SEMA5A: variants seen among roughly 807,000 people sequenced by gnomAD.
SEMA5A encodes the protein semaphorin 5A.
SEMA5A carries 55 observed loss-of-function variants against 135.5 expected under a neutral mutation model. That is an observed-to-expected ratio of 0.41 (90% CI 0.33 to 0.51). The LOEUF is 0.51. SEMA5A is among the 20% of genes least tolerant of loss of function. SEMA5A has a pLI of 0.37. For synonymous variants in SEMA5A, 580 were observed against 546.5 expected (o/e 1.06, Z -0.85); for missense variants, 1,290 against 1,419.9 (o/e 0.91, Z 1.47).
chr5:9,216,059 T>C (rs1415512556), intron 8 of SEMA5A, among the ~76,000 whole-genome samples: 2 of 152,220 alleles, frequency 1.3e-5, no homozygotes, highest in Non-Finnish European at 2.9e-5. Flanking sequence ...CCTGTTTCTC[T>C]AATTCTTTCC....
rs191079380 is a variant in SEMA5A, at chr5:9,495,176, T to C, written c.-175+50408A>G. Among the ~76,000 whole-genome samples, 29 of 152,344 alleles carry C rather than the reference T, an allele frequency of 1.9e-4. No homozygotes were observed. The East Asian group carries it at 4.6e-3, about 24-fold the overall frequency. On this transcript the variant is annotated intron_variant, in intron 1 of 22. Coordinates refer to ENST00000382496, the MANE Select transcript of SEMA5A (RefSeq NM_003966.3). ...CTGTGTTCCTTCTAAGCCATAGGACTTCGATATCTTCAGGGATACCTGGCG... is the reference window on the plus strand; with the variant it reads ...CTGTGTTCCTTCTAAGCCATAGGACCTCGATATCTTCAGGGATACCTGGCG...
intron 8 of SEMA5A, among the ~76,000 whole-genome samples, chr5:9,219,520 TG>T (rs1245178023): frequency 6.6e-6 from 1 of 152,090 alleles, no homozygotes; most frequent in East Asian, 1.9e-4. Flanking sequence ...ATGAGGTCAT[TG>T]GAGTGGGCTT....
intron 5 of SEMA5A, among the ~76,000 whole-genome samples, chr5:9,301,051 T>G (rs1751588293): frequency 6.6e-6 from 1 of 152,220 alleles, no homozygotes; most frequent in South Asian, 2.1e-4. Context: ...AGATAATATG[T>G]TCAGACAACT....
intron 11 of SEMA5A, among the ~76,000 whole-genome samples, chr5:9,182,189 G>A (rs572652380): frequency 1.4e-5 from 2 of 147,274 alleles, no homozygotes; most frequent in Admixed American, 1.4e-4. Context: ...TGAGGACAGG[G>A]TGTCTGTCTG....
In SEMA5A at chr5:9,036,120, A is replaced by G. The variant is rs760586241; in HGVS notation, c.*6777T>C. The stretch of plus-strand genomic sequence containing the variant: ...TTGCTATGCACTTTTGAAGAATCCA[A>G]CATTGGACCAAAAGTTTGTGCATTT... On this transcript the variant is annotated 3_prime_UTR_variant, in exon 23 of 23. Coordinates refer to ENST00000382496, the MANE Select transcript of SEMA5A (RefSeq NM_003966.3). The G allele has an allele frequency of 1.3e-5, 2 of 152,166 alleles. No homozygotes were observed. Among genetic ancestry groups the G allele is most frequent in the Non-Finnish European group, 2.9e-5 (2 of 68,036 alleles). 9.4% of individuals were successfully genotyped at this position (152,166 alleles called of 1,614,324 possible). A position where few individuals can be genotyped will look rare whatever the true frequency, so the allele number is the denominator to read the frequency against.
intron 5 of SEMA5A, among the ~76,000 whole-genome samples, chr5:9,278,471 G>A (rs1185198885): frequency 6.6e-6 from 1 of 152,178 alleles, no homozygotes; most frequent in East Asian, 1.9e-4. Flanking sequence ...CCCATTTTCT[G>A]GGGAGAAAAA....
At chr5:9,188,508 T>C (rs1282848684) in intron 11 of SEMA5A, among the ~76,000 whole-genome samples, 1 of 152,130 alleles carries the variant, frequency 6.6e-6, no homozygotes, top group African/African-American at 2.4e-5. Flanking sequence ...CAGGCTGCTC[T>C]TCACTGACCC....
At chr5:9,316,837 T>C (rs532709179) in intron 5 of SEMA5A, among the ~76,000 whole-genome samples, 1 of 152,314 alleles carries the variant, frequency 6.6e-6, no homozygotes, top group South Asian at 2.1e-4. Context: ...GTTAGCAATT[T>C]TCAAGCACAT....
At chr5:9,140,127 G>C (rs1184044026) in intron 12 of SEMA5A, among the ~76,000 whole-genome samples, 2 of 152,204 alleles carry the variant, frequency 1.3e-5, no homozygotes, top group Admixed American at 6.5e-5. Context: ...GTTTATAACA[G>C]AGAGTGTGAG....
At chr5:9,355,801 A>G (rs1754415857) in intron 3 of SEMA5A, among the ~76,000 whole-genome samples, 1 of 152,198 alleles carries the variant, frequency 6.6e-6, no homozygotes, top group Non-Finnish European at 1.5e-5. Context: ...GAGTTGGAAG[A>G]AAGATGTGTG....
intron 3 of SEMA5A, among the ~76,000 whole-genome samples, chr5:9,349,717 C>A (rs1235442801): frequency 6.6e-6 from 1 of 151,988 alleles, no homozygotes; most frequent in African/African-American, 2.4e-5. Flanking sequence ...CTGGCTAACA[C>A]AGTGAATCCC....
At chr5:9,393,850 T>G (rs1335919818) in intron 2 of SEMA5A, among the ~76,000 whole-genome samples, 1 of 152,182 alleles carries the variant, frequency 6.6e-6, no homozygotes, top group Admixed American at 6.5e-5. Context: ...ATAGCAGCAT[T>G]GTTCATAATA....
At position 9,122,714 on chromosome 5, in the gene SEMA5A, G is replaced by A; in HGVS notation, c.1723C>T (p.Pro575Ser). The change falls in exon 14 of 23, where the codon CCG (proline) becomes TCG (serine). Residue 575 changes from proline to serine, a missense_variant. By Grantham distance (74) the Pro-to-Ser change is moderately conservative. Coordinates refer to ENST00000382496, the MANE Select transcript of SEMA5A (RefSeq NM_003966.3). Reference protein sequence around the residue: ...CRTRSCDSPAPQCGGWQCEGP... With the variant: ...CRTRSCDSPASQCGGWQCEGP... ...TCGCACTGCCAGCCACCACACTGCG[G>A]GGCCGGGCTGTCGCAGGAGCGGGTT... is the stretch of plus-strand genomic sequence containing the variant. 1 of 1,613,514 alleles carries A rather than the reference G, an allele frequency of 6.2e-7. No individual in the cohort carries two copies. Among genetic ancestry groups the A allele is most frequent in the Non-Finnish European group, 8.5e-7 (1 of 1,179,828 alleles).
intron 12 of SEMA5A, among the ~76,000 whole-genome samples, chr5:9,137,908 G>A (rs1281455427): frequency 1.3e-5 from 2 of 152,104 alleles, no homozygotes; most frequent in Non-Finnish European, 2.9e-5. Flanking sequence ...TATTAATACA[G>A]TACCTCAATT....
At chr5:9,148,518 T>C (rs1742461486) in intron 12 of SEMA5A, among the ~76,000 whole-genome samples, 1 of 152,158 alleles carries the variant, frequency 6.6e-6, no homozygotes, top group Non-Finnish European at 1.5e-5. Context: ...CATTCCTCCC[T>C]CATCCCTATG....
chr5:9,483,444 A>G (rs1484482848), intron 1 of SEMA5A, among the ~76,000 whole-genome samples: 1 of 152,214 alleles, frequency 6.6e-6, no homozygotes, highest in Non-Finnish European at 1.5e-5. Context: ...GAGGTAAACT[A>G]AGGGAAGCAC....
At chr5:9,230,152 T>A (rs1039017378) in intron 6 of SEMA5A, among the ~76,000 whole-genome samples, 1 of 146,222 alleles carries the variant, frequency 6.8e-6, no homozygotes, top group Non-Finnish European at 1.5e-5. Flanking sequence ...CCCTGGCTAT[T>A]TTTTTCTTTT....
intron 5 of SEMA5A, among the ~76,000 whole-genome samples, chr5:9,310,567 A>G (rs1684880931): frequency 6.6e-6 from 1 of 151,970 alleles, no homozygotes; most frequent in Admixed American, 6.6e-5. Context: ...TGAATATCTC[A>G]TTGGAATAGT....
rs563231561 is a variant in SEMA5A at position 9,526,274 on chromosome 5, C to T, written c.-175+19310G>A. On this transcript the variant is annotated intron_variant, in intron 1 of 22. Transcript: ENST00000382496. The stretch of plus-strand genomic sequence containing the variant: ...CAATTATCCAAAAGCATATTAAAAA[C>T]ATTTAAGTTTAACATTAAACTAGAA... 5.0e-4 allele frequency among the ~76,000 whole-genome samples: 76 copies of T among 150,576 alleles called. 1 individual carries two copies. Among genetic ancestry groups the T allele is most frequent in the African/African-American group, 1.8e-3 (75 of 40,916 alleles).
Sources: allele counts gnomAD v4.1 joint callset (sites outside exome capture counted in the v4.1 genomes callset), GRCh38; gene constraint gnomAD v4.1.1; transcripts MANE v1.5; gene names NCBI Gene and HGNC (gene_info 2026-07-23, HGNC 2026-07-21).